The following MRPS9 variants were observed in gnomAD, a reference collection of about 807,000 sequenced individuals.
MRPS9 encodes the protein mitochondrial ribosomal protein S9, also known as small ribosomal subunit protein uS9m.
A neutral mutation model predicts 59.9 loss-of-function variants in MRPS9; 45 were observed. That is an observed-to-expected ratio of 0.75 (90% CI 0.59 to 0.96). MRPS9 has a LOEUF of 0.96. Among genes scored for constraint, MRPS9 ranks in the 40% least tolerant of loss-of-function variants. The probability of loss-of-function intolerance (pLI) is 0.00; values close to 1 mark genes in which losing one functional copy is unlikely to be tolerated. For synonymous variants in MRPS9, 171 were observed against 166.8 expected (o/e 1.03, Z -0.19); for missense variants, 473 against 481.1 (o/e 0.98, Z 0.16).
At chr2:105,086,853 G>C (rs1056228921) in intron 5 of MRPS9, among the ~76,000 whole-genome samples, 1 of 152,178 alleles carries the variant, frequency 6.6e-6, no homozygotes, top group African/African-American at 2.4e-5. Flanking sequence ...CTGACAGGCT[G>C]TGCTGGGTGC....
Position 105,099,793 on chromosome 2 carries a change from T to G in MRPS9, c.*32T>G. 1 of 1,600,912 alleles carries G rather than the reference T, an allele frequency of 6.2e-7. No homozygotes were observed. Among genetic ancestry groups the G allele is most frequent in the Non-Finnish European group, 8.6e-7 (1 of 1,168,620 alleles). On this transcript the variant is annotated 3_prime_UTR_variant, in exon 11 of 11. Transcript: ENST00000258455. ...GCTCCCAGGAAAGGAGAGGAAGAGC[T>G]ATATATATGTGCCGACATGTGGCAG...
At chr2:105,048,774 G>C (rs1679655544) in intron 1 of MRPS9, among the ~76,000 whole-genome samples, 1 of 151,880 alleles carries the variant, frequency 6.6e-6, no homozygotes, top group Admixed American at 6.6e-5. Context: ...TCTGCTTGCT[G>C]GTTTCTGGTG....
chr2:105,076,719 T>TA (rs1280531403), intron 4 of MRPS9, among the ~76,000 whole-genome samples: 8 of 152,190 alleles, frequency 5.3e-5, no homozygotes, highest in African/African-American at 1.9e-4. Flanking sequence ...ATTATGTCCT[T>TA]AAAATCACAA....
At chr2:105,080,457 T>A (rs12612994) in intron 5 of MRPS9, among the ~76,000 whole-genome samples, 30,180 of 151,990 alleles carry the variant, frequency 0.2, 3,128 homozygotes, top group Middle Eastern at 0.35. Flanking sequence ...TTTTGTTGTT[T>A]TATATATATA....
At chr2:105,072,644 C>T (rs73945030) in intron 4 of MRPS9, among the ~76,000 whole-genome samples, 29,711 of 151,844 alleles carry the variant, frequency 0.2, 3,065 homozygotes, top group Middle Eastern at 0.35. Context: ...TTGGTGGCCA[C>T]AGGTTCTCAA....
rs369688482 is a variant in MRPS9, at chr2:105,043,581, T to G, written c.135+5354T>G. ...TAGCTGATAGAGATCCCTTGGACCC[T>G]GCCTGCTTTCCTTTCTTTTTTCTTT... On this transcript the variant is annotated intron_variant, in intron 1 of 10. Transcript: ENST00000258455. Among the ~76,000 whole-genome samples the G allele has an allele frequency of 3.3e-5, 5 of 152,276 alleles. 1 individual carries two copies. Among genetic ancestry groups the G allele is most frequent in the African/African-American group, 9.6e-5 (4 of 41,538 alleles).
At position 105,038,173 on chromosome 2, in the gene MRPS9, G is replaced by A. The variant is rs755542154; in HGVS notation, c.81G>A (p.Lys27=). Residue 27 remains lysine (K), a synonymous_variant, in exon 1 of 11, where the codon AAG becomes AAA. Transcript: ENST00000258455. ...LLWGRGSLAR[K]QGLWKTAAPE... is the part of the protein sequence containing the mutation. The stretch of plus-strand genomic sequence containing the variant: ...GGGGTAGGGGTAGCCTCGCCCGGAA[G>A]CAAGGCCTCTGGAAAACCGCGGCCC... 4 of 1,613,564 alleles carry A rather than the reference G, an allele frequency of 2.5e-6. No individual in the cohort carries two copies. The highest frequency in any genetic ancestry group is 1.7e-4 in the Middle Eastern group (1 of 6,052).
chr2:105,096,721 T>C (rs1432436658), intron 9 of MRPS9, among the ~76,000 whole-genome samples: 5 of 150,972 alleles, frequency 3.3e-5, no homozygotes, highest in Non-Finnish European at 7.3e-5. Flanking sequence ...GATACACTTA[T>C]AGTAGACTTT....
intron 2 of MRPS9, among the ~76,000 whole-genome samples, chr2:105,062,957 A>C (rs1219802410): frequency 6.6e-6 from 1 of 152,276 alleles, no homozygotes; most frequent in African/African-American, 2.4e-5. Context: ...AATACTTGGA[A>C]GTATAAGTAA....
At chr2:105,046,022 G>A (rs1191527310) in intron 1 of MRPS9, among the ~76,000 whole-genome samples, 1 of 151,896 alleles carries the variant, frequency 6.6e-6, no homozygotes, top group Non-Finnish European at 1.5e-5. Context: ...ACACCACCAT[G>A]CCCTGCTAAT....
At chr2:105,059,630 A>T (rs1207452762) in intron 2 of MRPS9, among the ~76,000 whole-genome samples, 2 of 151,500 alleles carry the variant, frequency 1.3e-5, no homozygotes, top group Non-Finnish European at 2.9e-5. Flanking sequence ...ATAATTTTTC[A>T]TGAAGGTTGG....
At chr2:105,065,833 A>G (rs1478670256) in intron 2 of MRPS9, among the ~76,000 whole-genome samples, 68 of 152,248 alleles carry the variant, frequency 4.5e-4, no homozygotes, top group Non-Finnish European at 1.5e-5. Flanking sequence ...AAGGATATTC[A>G]TCTACTTGTG....
intron 2 of MRPS9, among the ~76,000 whole-genome samples, chr2:105,066,308 T>C (rs1469956372): frequency 1.3e-5 from 2 of 152,228 alleles, no homozygotes; most frequent in Non-Finnish European, 1.5e-5. Context: ...TAAGTGTGTA[T>C]TAATTTACTT....
chr2:105,086,654 A>G (rs1372131709), intron 5 of MRPS9, among the ~76,000 whole-genome samples: 1 of 152,196 alleles, frequency 6.6e-6, no homozygotes, highest in African/African-American at 2.4e-5. Context: ...AAGTTCATAT[A>G]TTCTTCGCTA....
At chr2:105,069,990 C>T (rs1163231987) in intron 2 of MRPS9, among the ~76,000 whole-genome samples, 4 of 151,968 alleles carry the variant, frequency 2.6e-5, no homozygotes, top group Non-Finnish European at 5.9e-5. Flanking sequence ...CCAGCCTCAG[C>T]GACAGAGTGA....
intron 2 of MRPS9, among the ~76,000 whole-genome samples, chr2:105,064,203 A>G (rs1558755205): frequency 6.6e-6 from 1 of 152,172 alleles, no homozygotes; most frequent in African/African-American, 2.4e-5. Flanking sequence ...ATCAAGAGGA[A>G]ACTTTCAGAG....
At chr2:105,041,060 G>A (rs1284926010) in intron 1 of MRPS9, among the ~76,000 whole-genome samples, 4 of 152,152 alleles carry the variant, frequency 2.6e-5, no homozygotes, top group African/African-American at 9.7e-5. Context: ...GACAGGTCTG[G>A]AAAGTTTGGC....
At chr2:105,088,797 C>T (rs1334907505) in intron 5 of MRPS9, among the ~76,000 whole-genome samples, 187 bp from the exon 6 acceptor site, 1 of 151,874 alleles carries the variant, frequency 6.6e-6, no homozygotes, top group Admixed American at 6.6e-5. Context: ...ACTCTATCAT[C>T]CTTTAGTTTA....
chr2:105,098,942 A>G (rs55703447), intron 10 of MRPS9, among the ~76,000 whole-genome samples: 29,437 of 152,124 alleles, frequency 0.19, 3,030 homozygotes, highest in Middle Eastern at 0.35. Flanking sequence ...GCTCTTCCTT[A>G]TGGGCCATAG....
Sources: allele counts gnomAD v4.1 joint callset (sites outside exome capture counted in the v4.1 genomes callset), GRCh38; gene constraint gnomAD v4.1.1; transcripts MANE v1.5; gene names NCBI Gene and HGNC (gene_info 2026-07-23, HGNC 2026-07-21).